NEK9: variants seen among roughly 807,000 people sequenced by gnomAD.
The protein encoded by NEK9 is NIMA related kinase 9, also known as serine/threonine-protein kinase Nek9.
A neutral mutation model predicts 123.4 loss-of-function variants in NEK9; 75 were observed. The observed-to-expected ratio is 0.61, with a 90% CI of 0.50 to 0.74. NEK9 has a LOEUF of 0.74. Among genes scored for constraint, NEK9 ranks in the 30% least tolerant of loss-of-function variants. The pLI is 0.00. For synonymous variants in NEK9, 438 were observed against 458.7 expected, an observed-to-expected ratio of 0.95 and a Z score of 0.58; for missense variants, 952 against 1,214.4, an observed-to-expected ratio of 0.78 and a Z score of 3.21.
At chr14:75,114,161 G>T in intron 7 of NEK9, 42 bp downstream of exon 7, 2 of 1,380,174 alleles carry the variant, frequency 1.4e-6, no homozygotes, top group Non-Finnish European at 2.1e-6. Context: ...GAGGCTGGAA[G>T]GGGAAATACG....
At chr14:75,120,689 T>C (rs1018030405) in intron 3 of NEK9, 109 bp from the exon 4 acceptor site, 7 of 828,022 alleles carry the variant, frequency 8.5e-6, no homozygotes, top group Non-Finnish European at 1.4e-5. Flanking sequence ...GAAGTTATGA[T>C]TCAACATGAC....
At chr14:75,103,694 G>T in intron 14 of NEK9, 148 bp downstream of exon 14, 1 of 780,886 alleles carries the variant, frequency 1.3e-6, no homozygotes, top group Non-Finnish European at 2.0e-6. Flanking sequence ...TGTACTCTTT[G>T]TGGCTGGCTT....
intron 21 of NEK9, chr14:75,084,938 TAGTTTTAAAATGGA>T: frequency 2.6e-6 from 1 of 378,214 alleles, no homozygotes; most frequent in Non-Finnish European, 5.0e-6. Context: ...GCAGAACTCT[TAGTTTTAAAATGGA>T]AAAAGTCCTG....
intron 13 of NEK9, among the ~76,000 whole-genome samples, chr14:75,105,310 A>C (rs543842868): frequency 6.9e-6 from 1 of 145,636 alleles, no homozygotes; most frequent in Non-Finnish European, 1.5e-5. Context: ...CCAAGGAAAG[A>C]AAAAAAAAAA....
chr14:75,109,437 C>T (rs1281056416), intron 10 of NEK9, among the ~76,000 whole-genome samples: 2 of 152,156 alleles, frequency 1.3e-5, no homozygotes, highest in East Asian at 3.8e-4. Context: ...CTGAGTCTTT[C>T]AATTTTTCTC....
rs1395917631 is a variant in NEK9, at chr14:75,084,305, C to T, written c.*259G>A. 4 of 452,240 alleles carry T rather than the reference C, an allele frequency of 8.8e-6. No homozygotes were observed. The highest frequency in any genetic ancestry group is 2.0e-5 in the African/African-American group (1 of 51,108). The allele number at this position is 452,240 out of a possible 1,614,324, so 28.0% of individuals were successfully genotyped here. A position where few individuals can be genotyped will look rare whatever the true frequency, so the allele number is the denominator to read the frequency against. On this transcript the variant is annotated 3_prime_UTR_variant, in exon 22 of 22. Transcript: ENST00000238616. ...GATCAACAGATGAGGTACAGAGCTG[C>T]TGTTGCTATGGCAGTCACTGATGAC... is the stretch of plus-strand genomic sequence containing the variant.
chr14:75,087,675 A>C (rs574518209), intron 20 of NEK9, among the ~76,000 whole-genome samples: 2 of 152,352 alleles, frequency 1.3e-5, no homozygotes, highest in African/African-American at 4.8e-5. Flanking sequence ...AACACAATTT[A>C]AGAAGGTGAA....
intron 6 of NEK9, 125 bp from the exon 7 acceptor site, chr14:75,114,438 T>A: frequency 1.4e-6 from 1 of 723,076 alleles, no homozygotes; most frequent in South Asian, 1.7e-5. Flanking sequence ...GACTTCTTGT[T>A]ATAACTACTA....
Position 75,104,126 on chromosome 14 carries a change from A to G in NEK9, c.1576-129T>C, listed in dbSNP as rs114544775. The G allele has an allele frequency of 1.8e-3, 1,594 of 909,738 alleles. 13 individuals carry two copies. In the African/African-American group the frequency reaches 0.023, roughly 13 times the overall value. 56.4% of individuals were successfully genotyped at this position (909,738 alleles called of 1,614,324 possible). A position where few individuals can be genotyped will look rare whatever the true frequency, so the allele number is the denominator to read the frequency against. Reference sequence around the variant, plus strand: ...ACTACAGGAAAGTGAGGACTGCTCTATTCTTTTCAGGTTTGCCCAGTGTCT... The same window carrying G: ...ACTACAGGAAAGTGAGGACTGCTCTGTTCTTTTCAGGTTTGCCCAGTGTCT... On this transcript the variant is annotated intron_variant, in intron 13 of 21. Transcript: ENST00000238616.
chr14:75,093,304 C>A (rs1409364872), intron 18 of NEK9, among the ~76,000 whole-genome samples: 1 of 152,166 alleles, frequency 6.6e-6, no homozygotes, highest in African/African-American at 2.4e-5. Context: ...TAGAGCATTA[C>A]CTATATCACT....
intron 16 of NEK9, among the ~76,000 whole-genome samples, chr14:75,098,070 G>A (rs1445926425): frequency 6.6e-6 from 1 of 152,178 alleles, no homozygotes; most frequent in African/African-American, 2.4e-5. Context: ...TGTCTACTGA[G>A]GAGAACTGAT....
At position 75,126,616 on chromosome 14, in the gene NEK9, A is replaced by T; in HGVS notation, c.219+87T>A. 2.7e-6 allele frequency: 3 copies of T among 1,110,518 alleles called. No individual in the cohort carries two copies. In the South Asian group the frequency reaches 5.8e-5, roughly 22 times the overall value. The allele number at this position is 1,110,518 out of a possible 1,614,324, so 68.8% of individuals were successfully genotyped here. ...CGTGGGCGCCTAAAGCACTAAGCTCACGACGCTGGGAAAGCGGGGCCGAGA... is the reference window on the plus strand; with the variant it reads ...CGTGGGCGCCTAAAGCACTAAGCTCTCGACGCTGGGAAAGCGGGGCCGAGA... On this transcript the variant is annotated intron_variant, in intron 1 of 21. Coordinates refer to ENST00000238616, the MANE Select transcript of NEK9 (RefSeq NM_033116.6).
intron 18 of NEK9, 73 bp downstream of exon 18, chr14:75,095,299 G>T: frequency 2.0e-6 from 2 of 985,700 alleles, no homozygotes; most frequent in Non-Finnish European, 1.6e-6. Context: ...TTTGGGTTTT[G>T]GAGTCTACAT....
chr14:75,115,372 C>T (rs1032156364), intron 6 of NEK9, among the ~76,000 whole-genome samples: 3 of 152,174 alleles, frequency 2.0e-5, no homozygotes, highest in Non-Finnish European at 4.4e-5. Flanking sequence ...CCGCCTCAGC[C>T]TCCCAAAGTG....
chr14:75,115,264 C>T (rs142372050), intron 6 of NEK9, among the ~76,000 whole-genome samples: 165 of 152,128 alleles, frequency 1.1e-3, no homozygotes, highest in African/African-American at 3.9e-3. Flanking sequence ...TACGGGCATG[C>T]GCCACCATGC....
At chr14:75,106,361 GAAA>G (rs34426692) in intron 12 of NEK9, 138 bp downstream of exon 12, 7,039 of 294,142 alleles carry the variant, frequency 0.024, no homozygotes, top group Non-Finnish European at 0.026. Flanking sequence ...TCTGTCTCGA[GAAA>G]AAAAAAAAAA....
Position 75,087,063 on chromosome 14 carries a change from A to G in NEK9, c.2772T>C (p.Phe924=), listed in dbSNP as rs1367665240. 2 of 1,614,078 alleles carry G rather than the reference A, an allele frequency of 1.2e-6. No individual in the cohort carries two copies. The highest frequency in any genetic ancestry group is 2.7e-5 in the African/African-American group (2 of 74,922). Residue 924 remains phenylalanine, a synonymous_variant, in exon 21 of 22, where the codon TTT becomes TTC. Transcript: ENST00000238616. ...TCTTGTTCAACTTCTGCAGTTGGGTAAAAATCTGGAGGTTTTCTTGCTGTA... is the reference window on the plus strand; with the variant it reads ...TCTTGTTCAACTTCTGCAGTTGGGTGAAAATCTGGAGGTTTTCTTGCTGTA... ...QKLQQENLQI[F]TQLQKLNKKL... is the part of the protein sequence containing the mutation.
At chr14:75,123,980 T>A in intron 2 of NEK9, 66 bp downstream of exon 2, 1 of 1,319,368 alleles carries the variant, frequency 7.6e-7, no homozygotes, top group Non-Finnish European at 1.1e-6. Flanking sequence ...CTTATATTCT[T>A]CTCCTCAACG....
chr14:75,105,900 G>T, intron 13 of NEK9, 50 bp downstream of exon 13: 1 of 1,387,366 alleles, frequency 7.2e-7, no homozygotes, highest in Non-Finnish European at 1.0e-6. Context: ...TATTATTGGA[G>T]TCTGTGCGAC....
Sources: allele counts gnomAD v4.1 joint callset (sites outside exome capture counted in the v4.1 genomes callset), GRCh38; gene constraint gnomAD v4.1.1; transcripts MANE v1.5; gene names NCBI Gene and HGNC (gene_info 2026-07-23, HGNC 2026-07-21).